The following FAM184B variants were observed in gnomAD, a reference collection of about 807,000 sequenced individuals.
FAM184B encodes family with sequence similarity 184 member B.
A neutral mutation model predicts 135.9 loss-of-function variants in FAM184B; 111 were observed. That is an observed-to-expected ratio of 0.82 (90% CI 0.70 to 0.96). The LOEUF (loss-of-function observed/expected upper bound fraction) is 0.96, where lower values mean the gene tolerates loss of function less well. FAM184B is among the 40% of genes least tolerant of loss of function. The pLI, the probability that FAM184B is intolerant of heterozygous loss-of-function variation, is 0.00. For missense variants in FAM184B, 1,375 were observed against 1,323.9 expected (o/e 1.04, Z -0.60); for synonymous variants, 552 against 524.8 (o/e 1.05, Z -0.71).
At chr4:17,754,802 G>T (rs1377647201) in intron 1 of FAM184B, among the ~76,000 whole-genome samples, 1 of 152,032 alleles carries the variant, frequency 6.6e-6, no homozygotes, top group Non-Finnish European at 1.5e-5. Flanking sequence ...AGTAATCAGG[G>T]CCTTAGAAAC....
intron 7 of FAM184B, among the ~76,000 whole-genome samples, chr4:17,683,021 C>T (rs1346257397): frequency 2.0e-5 from 3 of 152,234 alleles, no homozygotes; most frequent in Non-Finnish European, 4.4e-5. Flanking sequence ...GGCTTTACCT[C>T]TGCCCCTTGT....
intron 15 of FAM184B, among the ~76,000 whole-genome samples, chr4:17,635,707 A>T (rs183786478): frequency 2.0e-5 from 3 of 151,374 alleles, no homozygotes; most frequent in Non-Finnish European, 4.4e-5. Flanking sequence ...ACCTTTGTTC[A>T]CACGTAGCAA....
chr4:17,673,656 C>T (rs1349608851), intron 7 of FAM184B, among the ~76,000 whole-genome samples: 1 of 152,108 alleles, frequency 6.6e-6, no homozygotes, highest in Non-Finnish European at 1.5e-5. Flanking sequence ...AGTGAAATAA[C>T]TCAGGAATTG....
intron 4 of FAM184B, 71 bp from the exon 5 acceptor site, chr4:17,705,277 T>G: frequency 1.7e-6 from 2 of 1,191,554 alleles, no homozygotes; most frequent in South Asian, 1.4e-5. Flanking sequence ...CATTTCCCTT[T>G]CATACAACTT....
At chr4:17,635,254 G>T in intron 15 of FAM184B, 141 bp from the exon 16 acceptor site, 1 of 617,506 alleles carries the variant, frequency 1.6e-6, no homozygotes, top group Non-Finnish European at 2.8e-6. Context: ...AAAGCTGCCA[G>T]GCACTGAAGC....
intron 7 of FAM184B, among the ~76,000 whole-genome samples, chr4:17,684,126 A>G (rs1421869652): frequency 6.8e-6 from 1 of 146,564 alleles, no homozygotes; most frequent in African/African-American, 2.5e-5. Context: ...AATTATATAT[A>G]AAATAATTAT....
At chr4:17,706,725 T>C (rs1374470367) in intron 3 of FAM184B, among the ~76,000 whole-genome samples, 1 of 152,192 alleles carries the variant, frequency 6.6e-6, no homozygotes, top group Non-Finnish European at 1.5e-5. Flanking sequence ...TCCCAGCACT[T>C]TGGGAGGCCA....
intron 11 of FAM184B, among the ~76,000 whole-genome samples, chr4:17,650,800 C>T (rs1377860918): frequency 2.6e-5 from 4 of 152,180 alleles, no homozygotes; most frequent in African/African-American, 9.7e-5. Context: ...CAGTGGGACA[C>T]GCTTTCTAAT....
chr4:17,762,300 T>G (rs71603380), intron 1 of FAM184B, among the ~76,000 whole-genome samples: 64 of 152,292 alleles, frequency 4.2e-4, no homozygotes, highest in South Asian at 1.5e-3. Flanking sequence ...GAAAAGATGC[T>G]CACAAGAATG....
intron 1 of FAM184B, among the ~76,000 whole-genome samples, chr4:17,722,860 A>G (rs1717560739): frequency 6.6e-6 from 1 of 152,214 alleles, no homozygotes; most frequent in Non-Finnish European, 1.5e-5. Context: ...TTTTTTTATG[A>G]ATAAAAACAA....
intron 1 of FAM184B, among the ~76,000 whole-genome samples, chr4:17,779,779 A>G (rs1269125530): frequency 2.0e-5 from 3 of 152,306 alleles, no homozygotes; most frequent in Non-Finnish European, 4.4e-5. Context: ...GAAACACCCA[A>G]TTTAGCACCC....
Position 17,664,674 on chromosome 4 carries a change from G to GAAA in FAM184B, c.1597-18_1597-16dup. 1 of 1,087,466 alleles carries GAAA rather than the reference G, an allele frequency of 9.2e-7. No homozygotes were observed. 67.4% of individuals were successfully genotyped at this position (1,087,466 alleles called of 1,614,324 possible). ...AAGCATGGATCCTAAGGCCAAAAAA[G>GAAA]AAAAAGAAAAAAAAAAAAAAGGCAA... On this transcript the variant is annotated splice_polypyrimidine_tract_variant and intron_variant, in intron 7 of 17. Transcript: ENST00000265018.
At chr4:17,747,387 T>A (rs1176975409) in intron 1 of FAM184B, among the ~76,000 whole-genome samples, 1 of 152,074 alleles carries the variant, frequency 6.6e-6, no homozygotes, top group Non-Finnish European at 1.5e-5. Flanking sequence ...TTGGTTTAGC[T>A]CCGTTTCTGG....
intron 7 of FAM184B, among the ~76,000 whole-genome samples, chr4:17,687,186 A>T (rs551833062): frequency 2.2e-4 from 33 of 152,250 alleles, no homozygotes; most frequent in African/African-American, 7.9e-4. Flanking sequence ...TCCTGAGGAC[A>T]CTCGTGTACA....
intron 7 of FAM184B, among the ~76,000 whole-genome samples, chr4:17,666,902 G>T (rs1436075149): frequency 6.6e-6 from 1 of 151,558 alleles, no homozygotes; most frequent in Non-Finnish European, 1.5e-5. Context: ...AGATAGCAGG[G>T]GGACCACTCT....
At chr4:17,653,516 G>A (rs1715688477) in intron 10 of FAM184B, among the ~76,000 whole-genome samples, 1 of 150,400 alleles carries the variant, frequency 6.6e-6, no homozygotes, top group Non-Finnish European at 1.5e-5. Context: ...CTCTGTCCTT[G>A]GGTTCATATT....
chr4:17,688,645 C>A, intron 6 of FAM184B, 114 bp from the exon 7 acceptor site: 1 of 539,164 alleles, frequency 1.9e-6, no homozygotes, highest in Non-Finnish European at 3.2e-6. Context: ...GAGAGTGCCC[C>A]ATTAGACAAA....
chr4:17,754,346 GT>G (rs1560193759), intron 1 of FAM184B, among the ~76,000 whole-genome samples: 2 of 152,210 alleles, frequency 1.3e-5, no homozygotes, highest in Non-Finnish European at 2.9e-5. Context: ...GAGTTCGGCA[GT>G]TTGAGACTAG....
rs1264943998 is a variant in FAM184B at position 17,751,795 on chromosome 4, G to GAATCAACCA, written c.141+29363_141+29364insTGGTTGATT. On this transcript the variant is annotated intron_variant, in intron 1 of 17. Coordinates refer to ENST00000265018, the MANE Select transcript of FAM184B (RefSeq NM_015688.2). ...GCTCAACCAAGGGGCTGGAGGTCAA[G>GAATCAACCA]AGGGCTGATTCTGGCCCTAAAAACA... Among the ~76,000 whole-genome samples the GAATCAACCA allele has an allele frequency of 4.9e-5, 7 of 142,270 alleles. No homozygotes were observed. The East Asian group carries it at 1.3e-3, about 26-fold the overall frequency. The allele number at this position is 142,270 out of a possible 152,430, so 93.3% of individuals were successfully genotyped here.
Sources: allele counts gnomAD v4.1 joint callset (sites outside exome capture counted in the v4.1 genomes callset), GRCh38; gene constraint gnomAD v4.1.1; transcripts MANE v1.5; gene names NCBI Gene and HGNC (gene_info 2026-07-23, HGNC 2026-07-21).